B3GALNT2: variants seen among roughly 807,000 people sequenced by gnomAD.
B3GALNT2 encodes the protein beta-1,3-N-acetylgalactosaminyltransferase 2.
A neutral mutation model predicts 61.1 loss-of-function variants in B3GALNT2; 53 were observed. That is an observed-to-expected ratio of 0.87 (90% CI 0.70 to 1.09). The LOEUF is 1.09. Among genes scored for constraint, B3GALNT2 ranks in the 50% least tolerant of loss-of-function variants. The pLI, the probability that B3GALNT2 is intolerant of heterozygous loss-of-function variation, is 0.00. For missense variants in B3GALNT2, 544 were observed against 623.0 expected, an observed-to-expected ratio of 0.87 and a Z score of 1.35; for synonymous variants, 223 against 237.4, an observed-to-expected ratio of 0.94 and a Z score of 0.56.
intron 1 of B3GALNT2, among the ~76,000 whole-genome samples, chr1:235,500,452 C>T (rs1200118442): frequency 2.0e-5 from 3 of 152,166 alleles, no homozygotes; most frequent in African/African-American, 7.2e-5. Flanking sequence ...TGCACTCCAG[C>T]CTGGGCGACA....
chr1:235,462,985 C>T (rs1683501277), intron 7 of B3GALNT2, among the ~76,000 whole-genome samples: 1 of 152,126 alleles, frequency 6.6e-6, no homozygotes, highest in African/African-American at 2.4e-5. Flanking sequence ...GCCCAAATGC[C>T]CATCAATCAA....
chr1:235,489,258 TC>T lies in B3GALNT2; in HGVS notation c.270del (p.Lys91SerfsTer3). ...CAGCCATGAGCACCTATTATGAACT[TC>T]ACAAGCACACTGAGAGATGTGTTGG... ...QHPTLSQRVL[V>X]KFIIGAHGCE... On this transcript the variant is annotated frameshift_variant, in exon 3 of 12. Transcript: ENST00000366600. LOFTEE classifies it high-confidence loss of function. The T allele has an allele frequency of 6.2e-7, 1 of 1,613,698 alleles. No individual in the cohort carries two copies. The highest frequency in any genetic ancestry group is 8.5e-7 in the Non-Finnish European group (1 of 1,179,868).
In B3GALNT2 at chr1:235,480,040, C is replaced by T; in HGVS notation, c.651+14G>A. ...ACTGCATTGGTACTACAGTCTTTTC[C>T]TGCCATCCTGTACCTCTGGTAAGAT... On this transcript the variant is annotated intron_variant, in intron 5 of 11. Transcript: ENST00000366600. The T allele has an allele frequency of 1.9e-6, 3 of 1,613,484 alleles. No individual in the cohort carries two copies. The highest frequency in any genetic ancestry group is 2.5e-6 in the Non-Finnish European group (3 of 1,179,626).
chr1:235,458,753 C>G lies in B3GALNT2; in HGVS notation c.875G>C (p.Arg292Pro), dbSNP rs367543076. Reference sequence around the variant, plus strand: ...TATATGATCAATAAGTCTTTGAGGGCGAGAATGAAGGTTGTGTAAGAGAGC... The same window carrying G: ...TATATGATCAATAAGTCTTTGAGGGGGAGAATGAAGGTTGTGTAAGAGAGC... ...GDALLHNLHSRPQRLIDHIRN... is the reference protein window; with the variant it reads ...GDALLHNLHSPPQRLIDHIRN... Residue 292 changes from arginine (R) to proline (P), a missense_variant, in exon 8 of 12, where the codon CGC becomes CCC. Coordinates refer to ENST00000366600, the MANE Select transcript of B3GALNT2 (RefSeq NM_152490.5). The G allele has an allele frequency of 9.4e-6, 15 of 1,600,244 alleles. No homozygotes were observed. Among genetic ancestry groups the G allele is most frequent in the Non-Finnish European group, 1.3e-5 (15 of 1,175,750 alleles).
At chr1:235,450,972 T>C (rs958240775) in intron 11 of B3GALNT2, 3 of 152,214 alleles carry the variant, frequency 2.0e-5, no homozygotes, top group African/African-American at 7.2e-5. Context: ...ATTCAATGTT[T>C]TGACAACACA....
At chr1:235,443,720 A>G (rs1682057435), downstream of B3GALNT2, among the ~76,000 whole-genome samples, 1 of 152,168 alleles carries the variant, frequency 6.6e-6, no homozygotes, top group Non-Finnish European at 1.5e-5. Flanking sequence ...ACTGATTAGG[A>G]GTCCCTGCAA....
rs1684575308 is a variant in B3GALNT2, at chr1:235,481,779, A to G, written c.556-1630T>C. 2.6e-5 allele frequency among the ~76,000 whole-genome samples: 4 copies of G among 152,338 alleles called. No homozygotes were observed. The South Asian group carries it at 8.3e-4, about 32-fold the overall frequency. On this transcript the variant is annotated intron_variant, in intron 4 of 11. Coordinates refer to ENST00000366600, the MANE Select transcript of B3GALNT2 (RefSeq NM_152490.5). The stretch of plus-strand genomic sequence containing the variant: ...ATTACCTATTTGATCTTCAGTATCA[A>G]TGAAACTGTTAACTACAATCATATA...
chr1:235,480,284 C>T, intron 4 of B3GALNT2, 135 bp from the exon 5 acceptor site: 1 of 1,371,026 alleles, frequency 7.3e-7, no homozygotes, highest in Non-Finnish European at 9.7e-7. Flanking sequence ...CATGGTTCTA[C>T]TGTGGTTTTG....
Position 235,450,282 on chromosome 1 carries a change from T to C in B3GALNT2, c.1427A>G (p.Tyr476Cys), listed in dbSNP as rs376285999. The C allele has an allele frequency of 2.5e-6, 4 of 1,613,922 alleles. No individual in the cohort carries two copies. The highest frequency in any genetic ancestry group is 3.4e-6 in the Non-Finnish European group (4 of 1,179,792). The change falls in exon 12 of 12, where the codon TAT (tyrosine) becomes TGT (cysteine). Residue 476 changes from tyrosine (Y) to cysteine (C), a missense_variant. Physicochemically the swap from Tyr to Cys is radical, Grantham distance 194 (BLOSUM62 -2). Transcript: ENST00000366600. ...CAGTTCCGTCAGTTCCCACGGAGAA[T>C]ACTGAGGAGAAGACAGCATTCCTGT... The part of the protein sequence containing the change: ...CETGMLSSPQ[Y>C]SPWELTELWK...
chr1:235,487,918 A>T (rs967259325), intron 3 of B3GALNT2, among the ~76,000 whole-genome samples: 1 of 152,012 alleles, frequency 6.6e-6, no homozygotes, highest in Non-Finnish European at 1.5e-5. Context: ...CCTCCCAAGC[A>T]GCTGGAACTA....
chr1:235,469,868 T>G (rs986756180), intron 6 of B3GALNT2, among the ~76,000 whole-genome samples: 1 of 151,974 alleles, frequency 6.6e-6, no homozygotes, highest in African/African-American at 2.4e-5. Context: ...CGCCTTATTT[T>G]CCAATATTTT....
chr1:235,487,878 T>C (rs1684876428), intron 3 of B3GALNT2, among the ~76,000 whole-genome samples: 1 of 152,050 alleles, frequency 6.6e-6, no homozygotes, highest in Admixed American at 6.6e-5. Context: ...AGCCTCGAAC[T>C]GCTGGACCCA....
At chr1:235,461,518 T>G (rs950571340) in intron 7 of B3GALNT2, among the ~76,000 whole-genome samples, 29 of 132,830 alleles carry the variant, frequency 2.2e-4, no homozygotes, top group South Asian at 5.3e-4. Context: ...TTTTTTTTTT[T>G]TTTTTTTTTT....
intron 6 of B3GALNT2, among the ~76,000 whole-genome samples, chr1:235,466,230 C>CTTTT (rs57389033): frequency 7.4e-6 from 1 of 134,506 alleles, no homozygotes; most frequent in Non-Finnish European, 1.6e-5. Context: ...TTTAATTTTT[C>CTTTT]TTTTTTTTTT....
At chr1:235,499,565 C>G (rs989698355) in intron 1 of B3GALNT2, among the ~76,000 whole-genome samples, 4 of 152,126 alleles carry the variant, frequency 2.6e-5, no homozygotes, top group East Asian at 1.9e-4. Flanking sequence ...ACGTAAGGGC[C>G]AAGGGAAAGT....
intron 11 of B3GALNT2, 27 bp downstream of exon 11, chr1:235,453,063 A>T: frequency 6.3e-7 from 1 of 1,584,832 alleles, no homozygotes; most frequent in Non-Finnish European, 8.7e-7. Context: ...ACTCTTAAGA[A>T]CCCTGAGGCC....
chr1:235,443,421 C>A (rs920612085), downstream of B3GALNT2, among the ~76,000 whole-genome samples: 6 of 152,054 alleles, frequency 3.9e-5, no homozygotes, highest in Non-Finnish European at 5.9e-5. Context: ...AGGCTGGTCT[C>A]GAATTCCTGA....
chr1:235,465,830 TA>T (rs1683668751), intron 6 of B3GALNT2, 116 bp from the exon 7 acceptor site: 1 of 1,218,822 alleles, frequency 8.2e-7, no homozygotes, highest in Admixed American at 2.1e-5. Context: ...TAAATGCATG[TA>T]AGATGCTGGT....
intron 7 of B3GALNT2, among the ~76,000 whole-genome samples, chr1:235,462,492 A>T (rs2102797075): frequency 6.6e-6 from 1 of 152,358 alleles, no homozygotes; most frequent in South Asian, 2.1e-4. Context: ...ATGATTAAGT[A>T]ATAAATACAT....
Sources: allele counts gnomAD v4.1 joint callset (sites outside exome capture counted in the v4.1 genomes callset), GRCh38; gene constraint gnomAD v4.1.1; transcripts MANE v1.5; gene names NCBI Gene and HGNC (gene_info 2026-07-23, HGNC 2026-07-21).